The following LRFN5 variants were observed in gnomAD, a reference collection of about 807,000 sequenced individuals.
LRFN5 encodes the protein leucine-rich repeat and fibronectin type-III domain-containing protein 5.
In LRFN5, 24 loss-of-function variants were observed where a neutral mutation model predicts 45.6. The observed-to-expected ratio is 0.53, with a 90% CI of 0.38 to 0.74. The LOEUF is 0.74. Ranked by LOEUF, LRFN5 falls within the 30% of genes least tolerant of loss-of-function variation. The probability of loss-of-function intolerance (pLI) is 0.00; values close to 1 mark genes in which losing one functional copy is unlikely to be tolerated. For synonymous variants in LRFN5, 340 were observed against 313.8 expected (o/e 1.08, Z -0.88); for missense variants, 776 against 861.5 (o/e 0.90, Z 1.24).
chr14:41,871,508 G>T (rs1020337648), intron 2 of LRFN5, among the ~76,000 whole-genome samples: 1 of 151,876 alleles, frequency 6.6e-6, no homozygotes, highest in African/African-American at 2.4e-5. Flanking sequence ...ATAATTTCTT[G>T]AACCCGGGAG....
intron 1 of LRFN5, among the ~76,000 whole-genome samples, chr14:41,608,796 C>T (rs1309150385): frequency 6.6e-6 from 1 of 152,100 alleles, no homozygotes; most frequent in African/African-American, 2.4e-5. Flanking sequence ...TGGATGTGCT[C>T]CACCCTGAGG....
At chr14:41,825,196 C>T (rs192120412) in intron 2 of LRFN5, among the ~76,000 whole-genome samples, 123 of 152,292 alleles carry the variant, frequency 8.1e-4, no homozygotes, top group Non-Finnish European at 1.5e-3. Flanking sequence ...CACACTGCCA[C>T]TGTGGGTCCT....
intron 1 of LRFN5, among the ~76,000 whole-genome samples, chr14:41,626,421 G>A (rs1205895773): frequency 6.6e-6 from 1 of 152,028 alleles, no homozygotes; most frequent in African/African-American, 2.4e-5. Flanking sequence ...CTGCTAATGG[G>A]AATTTCACTA....
At chr14:41,856,277 G>A (rs1384525064) in intron 2 of LRFN5, among the ~76,000 whole-genome samples, 1 of 152,172 alleles carries the variant, frequency 6.6e-6, no homozygotes, top group Non-Finnish European at 1.5e-5. Flanking sequence ...GATACTAAAT[G>A]TGTGATTTTA....
At chr14:41,713,823 T>TTGAG (rs1386814910) in intron 1 of LRFN5, among the ~76,000 whole-genome samples, 2 of 152,108 alleles carry the variant, frequency 1.3e-5, no homozygotes, top group African/African-American at 4.8e-5. Context: ...TCTTTTAAAG[T>TTGAG]TGAGTGTGTT....
At chr14:41,693,421 G>A (rs1485878244) in intron 1 of LRFN5, among the ~76,000 whole-genome samples, 2 of 151,980 alleles carry the variant, frequency 1.3e-5, no homozygotes, top group South Asian at 2.1e-4. Context: ...TTTACTCAAC[G>A]TGTTTTGTAA....
chr14:41,843,019 T>C (rs1296258031), intron 2 of LRFN5, among the ~76,000 whole-genome samples: 2 of 151,902 alleles, frequency 1.3e-5, no homozygotes, highest in Non-Finnish European at 2.9e-5. Context: ...TTTTGAGATA[T>C]AGGTGTATGT....
intron 1 of LRFN5, among the ~76,000 whole-genome samples, chr14:41,615,864 C>G (rs1196517280): frequency 6.6e-6 from 1 of 152,064 alleles, no homozygotes; most frequent in Non-Finnish European, 1.5e-5. Flanking sequence ...TGTTTTGATA[C>G]AGGCATGCAA....
chr14:41,734,316 T>TATATATATATA (rs1884314909), intron 1 of LRFN5, among the ~76,000 whole-genome samples: 9 of 38,798 alleles, frequency 2.3e-4, no homozygotes, highest in African/African-American at 4.3e-4. Flanking sequence ...TGGACTGGTT[T>TATATATATATA]TATATATATA....
chr14:41,904,276 C>A lies in LRFN5; in HGVS notation c.*101C>A. On this transcript the variant is annotated 3_prime_UTR_variant, in exon 6 of 6. Coordinates refer to ENST00000298119, the MANE Select transcript of LRFN5 (RefSeq NM_152447.5). The stretch of plus-strand genomic sequence containing the variant: ...CAATTCACAAAGGCTAATTGTTGAA[C>A]TGGTGTCGTAGAAGAAATTGTCTAC... The A allele has an allele frequency of 7.3e-7, 1 of 1,368,132 alleles. No homozygotes were observed. The allele number at this position is 1,368,132 out of a possible 1,614,324, so 84.7% of individuals were successfully genotyped here.
chr14:41,625,956 G>A (rs1566593246), intron 1 of LRFN5, among the ~76,000 whole-genome samples: 1 of 152,026 alleles, frequency 6.6e-6, no homozygotes, highest in Non-Finnish European at 1.5e-5. Flanking sequence ...GCCATTGTGG[G>A]TATGTTTCTT....
At chr14:41,863,290 C>G (rs181866956) in intron 2 of LRFN5, among the ~76,000 whole-genome samples, 109 of 152,224 alleles carry the variant, frequency 7.2e-4, no homozygotes, top group Admixed American at 1.1e-3. Context: ...CTCCTCTTGT[C>G]TTTATTATAC....
chr14:41,641,613 A>T (rs1256698466), intron 1 of LRFN5, among the ~76,000 whole-genome samples: 1 of 152,124 alleles, frequency 6.6e-6, no homozygotes, highest in Admixed American at 6.6e-5. Flanking sequence ...AGAAAACACA[A>T]AATTAAATGC....
chr14:41,724,028 T>G (rs1883831554), intron 1 of LRFN5, among the ~76,000 whole-genome samples: 1 of 152,176 alleles, frequency 6.6e-6, no homozygotes. Context: ...ATGTTCTCCC[T>G]TGGCCTCGAA....
Position 41,891,556 on chromosome 14 carries a change from C to T in LRFN5, c.1692C>T (p.Thr564=), listed in dbSNP as rs781651218. 1 of 1,614,128 alleles carries T rather than the reference C, an allele frequency of 6.2e-7. No individual in the cohort carries two copies. Among genetic ancestry groups the T allele is most frequent in the South Asian group, 1.1e-5 (1 of 91,074 alleles). Residue 564 remains threonine, a synonymous_variant, in exon 4 of 6, where the codon ACC becomes ACT. Coordinates refer to ENST00000298119, the MANE Select transcript of LRFN5 (RefSeq NM_152447.5). ...ACAATAATGGGCAACACAAGGTCAC[C>T]AAGGTTAGCAATGTTTATTCCCAAA... ...VCNNNGQHKV[T]KVSNVYSQTN...
At chr14:41,796,167 T>C (rs989647344) in intron 2 of LRFN5, among the ~76,000 whole-genome samples, 2 of 152,014 alleles carry the variant, frequency 1.3e-5, no homozygotes, top group African/African-American at 4.8e-5. Flanking sequence ...TGAGTAATTC[T>C]TTGAATAAAA....
At chr14:41,826,107 T>C (rs1397232700) in intron 2 of LRFN5, among the ~76,000 whole-genome samples, 1 of 152,198 alleles carries the variant, frequency 6.6e-6, no homozygotes, top group Non-Finnish European at 1.5e-5. Context: ...ATAGGTCTAG[T>C]CATCAATCTT....
At chr14:41,860,661 A>G (rs1889629619) in intron 2 of LRFN5, among the ~76,000 whole-genome samples, 1 of 152,206 alleles carries the variant, frequency 6.6e-6, no homozygotes, top group Non-Finnish European at 1.5e-5. Context: ...ATTTTCATCA[A>G]GTTTGGATAA....
At chr14:41,837,485 T>C (rs1380105044) in intron 2 of LRFN5, among the ~76,000 whole-genome samples, 1 of 152,188 alleles carries the variant, frequency 6.6e-6, no homozygotes, top group Admixed American at 6.5e-5. Context: ...GAATTTGTAG[T>C]ATTAAAGTGT....
Sources: allele counts gnomAD v4.1 joint callset (sites outside exome capture counted in the v4.1 genomes callset), GRCh38; gene constraint gnomAD v4.1.1; transcripts MANE v1.5; gene names NCBI Gene and HGNC (gene_info 2026-07-23, HGNC 2026-07-21).